The following COL4A6 variants were observed in gnomAD, a reference collection of about 807,000 sequenced individuals.
COL4A6 encodes collagen type IV alpha 6 chain, also known as collagen alpha-6(IV) chain.
A neutral mutation model predicts 126.7 loss-of-function variants in COL4A6; 59 were observed. The observed-to-expected ratio is 0.47, with a 90% confidence interval of 0.38 to 0.58. COL4A6 has a LOEUF of 0.58. COL4A6 is among the 20% of genes least tolerant of loss of function. The pLI is 0.00. For missense variants in COL4A6, 1,285 were observed against 1,337.3 expected (o/e 0.96, Z 0.61); for synonymous variants, 547 against 496.6 (o/e 1.10, Z -1.35).
At chrX:108,307,373 C>T (rs1310737325) in intron 3 of COL4A6, among the ~76,000 whole-genome samples, 2 of 111,953 alleles carry the variant, frequency 1.8e-5, no homozygotes, top group Non-Finnish European at 1.9e-5. Flanking sequence ...AGGATTACAG[C>T]CCCTGAAAGA....
At chrX:108,355,637 G>A in intron 2 of COL4A6, among the ~76,000 whole-genome samples, 1 of 112,019 alleles carries the variant, frequency 8.9e-6, no homozygotes, top group East Asian at 2.8e-4. Context: ...GCCTGGCAGG[G>A]AGGGACCTAC....
chrX:108,183,892 G>T, intron 23 of COL4A6: 1 of 329,212 alleles, frequency 3.0e-6, no homozygotes, highest in South Asian at 1.9e-4. Flanking sequence ...GAACTTAGTG[G>T]AGAGCACTTG....
At chrX:108,373,273 C>A (rs1217397086) in intron 2 of COL4A6, among the ~76,000 whole-genome samples, 1 of 111,693 alleles carries the variant, frequency 9.0e-6, no homozygotes. Context: ...AAGGGGCCTT[C>A]ATAAGGTCCA....
intron 3 of COL4A6, among the ~76,000 whole-genome samples, chrX:108,288,580 G>A (rs1221536019): frequency 4.5e-5 from 5 of 111,089 alleles, no homozygotes; most frequent in African/African-American, 1.6e-4. Context: ...TTTAGATAAG[G>A]TCCCTTGTCA....
At chrX:108,384,643 C>T (rs958672748) in intron 2 of COL4A6, among the ~76,000 whole-genome samples, 1 of 111,112 alleles carries the variant, frequency 9.0e-6, no homozygotes, top group Middle Eastern at 4.6e-3. Flanking sequence ...TGAGAGAGAA[C>T]ATAATTGTTT....
chrX:108,183,647 A>G, intron 23 of COL4A6: 2 of 707,535 alleles, frequency 2.8e-6, no homozygotes, highest in Non-Finnish European at 3.7e-6. Flanking sequence ...TGACTGTCTG[A>G]GACAAAGGTA....
chrX:108,160,868 A>C (rs2033909379), intron 42 of COL4A6, among the ~76,000 whole-genome samples: 1 of 111,844 alleles, frequency 8.9e-6, no homozygotes, highest in Non-Finnish European at 1.9e-5. Flanking sequence ...TAGAGCTACA[A>C]CTCTATCTCA....
intron 2 of COL4A6, chrX:108,383,883 A>T: frequency 1.9e-6 from 1 of 517,386 alleles, no homozygotes. Flanking sequence ...TCAATGTTGG[A>T]AAAATACAGA....
At chrX:108,165,519 C>A in intron 37 of COL4A6, 33 bp from the exon 38 acceptor site, 1 of 983,520 alleles carries the variant, frequency 1.0e-6, no homozygotes, top group South Asian at 2.4e-5. Flanking sequence ...GCTGGATAGG[C>A]TCTGTGTGCC....
intron 3 of COL4A6, among the ~76,000 whole-genome samples, chrX:108,293,188 A>G (rs1025178971): frequency 9.1e-6 from 1 of 110,422 alleles, no homozygotes; most frequent in Non-Finnish European, 1.9e-5. Flanking sequence ...TATTTGAACC[A>G]GACAGATATG....
At chrX:108,371,383 C>G (rs1426843539) in intron 2 of COL4A6, among the ~76,000 whole-genome samples, 1 of 109,374 alleles carries the variant, frequency 9.1e-6, no homozygotes, top group Non-Finnish European at 1.9e-5. Flanking sequence ...CCAGAAGAAA[C>G]CTTTGATAAC....
intron 2 of COL4A6, chrX:108,383,625 G>A (rs1354960280): frequency 5.5e-6 from 3 of 547,502 alleles, no homozygotes; most frequent in Non-Finnish European, 9.4e-6. Flanking sequence ...CCAAAATGGG[G>A]CACTATGCTG....
Position 108,206,263 on chromosome X carries a change from A to G in COL4A6, c.609+255T>C, listed in dbSNP as rs1275087868. ...GCAAGAAATGTGTCAGGGATCTGCC[A>G]TCCCTGGGCTATACTTTAGGTTGAG... is the stretch of plus-strand genomic sequence containing the variant. On this transcript the variant is annotated intron_variant, in intron 9 of 44. Transcript: ENST00000334504. The G allele has an allele frequency of 6.5e-6, 3 of 462,907 alleles. No homozygotes were observed. The East Asian group carries it at 1.2e-4, about 18-fold the overall frequency. 38.1% of individuals were successfully genotyped at this position (462,907 alleles called of 1,213,427 possible).
intron 17 of COL4A6, 148 bp from the exon 18 acceptor site, chrX:108,192,728 T>C: frequency 2.3e-6 from 1 of 440,621 alleles, no homozygotes; most frequent in Non-Finnish European, 4.0e-6. Flanking sequence ...TGGCCTCACA[T>C]GATAATGGGT....
At chrX:108,285,378 G>A (rs1359166328) in intron 3 of COL4A6, among the ~76,000 whole-genome samples, 1 of 112,209 alleles carries the variant, frequency 8.9e-6, no homozygotes, top group African/African-American at 3.2e-5. Flanking sequence ...CCATTACCTG[G>A]TGTAAAGAAT....
Position 108,156,505 on chromosome X carries a change from T to G in COL4A6, c.*495A>C, listed in dbSNP as rs1431114617. On this transcript the variant is annotated 3_prime_UTR_variant, in exon 45 of 45. Coordinates refer to ENST00000334504, the MANE Select transcript of COL4A6 (RefSeq NM_033641.4). Reference sequence around the variant, plus strand: ...CTTGCCTGCCTAGACACAGTGGGCCTCCTTGAAGAGTGAGGACTTGCTCTG... The same window carrying G: ...CTTGCCTGCCTAGACACAGTGGGCCGCCTTGAAGAGTGAGGACTTGCTCTG... The G allele has an allele frequency of 8.7e-6, 1 of 115,411 alleles. No individual in the cohort carries two copies. Among genetic ancestry groups the G allele is most frequent in the African/African-American group, 3.2e-5 (1 of 30,889 alleles). 9.5% of individuals were successfully genotyped at this position (115,411 alleles called of 1,213,427 possible).
intron 44 of COL4A6, 140 bp downstream of exon 44, chrX:108,159,322 C>G (rs2033841408): frequency 1.4e-6 from 1 of 722,906 alleles, no homozygotes; most frequent in Non-Finnish European, 2.0e-6. Flanking sequence ...ACTGGGTTCT[C>G]CATTCTTTAG....
At chrX:108,390,359 G>T (rs1034711538) in intron 2 of COL4A6, among the ~76,000 whole-genome samples, 2 of 109,462 alleles carry the variant, frequency 1.8e-5, no homozygotes, top group African/African-American at 6.8e-5. Flanking sequence ...ATCATTTTCA[G>T]GTACACCAAT....
At chrX:108,215,503 C>G (rs1249277293) in intron 5 of COL4A6, among the ~76,000 whole-genome samples, 1 of 111,594 alleles carries the variant, frequency 9.0e-6, no homozygotes, top group Non-Finnish European at 1.9e-5. Flanking sequence ...CACTCTATCT[C>G]CCTCAGATCT....
Sources: allele counts gnomAD v4.1 joint callset (sites outside exome capture counted in the v4.1 genomes callset), GRCh38; gene constraint gnomAD v4.1.1; transcripts MANE v1.5; gene names NCBI Gene and HGNC (gene_info 2026-07-23, HGNC 2026-07-21).